BCL9: variants seen among roughly 807,000 people sequenced by gnomAD.
BCL9 encodes BCL9 transcription coactivator, also known as B-cell CLL/lymphoma 9 protein.
In BCL9, 25 loss-of-function variants were observed where a neutral mutation model predicts 88.5. The observed-to-expected ratio is 0.28, with a 90% CI of 0.21 to 0.39. The LOEUF is 0.39. BCL9 is among the 10% of genes least tolerant of loss of function. BCL9 has a pLI of 1.00. For missense variants in BCL9, 1,817 were observed against 1,877.8 expected (o/e 0.97, Z 0.60); for synonymous variants, 711 against 673.3 (o/e 1.06, Z -0.87).
intron 1 of BCL9, among the ~76,000 whole-genome samples, chr1:147,559,966 T>C (rs868985012): frequency 2.0e-5 from 3 of 152,226 alleles, no homozygotes; most frequent in African/African-American, 7.2e-5. Context: ...CATAAACTCT[T>C]GGAAACCAGA....
At chr1:147,621,086 A>T in intron 8 of BCL9, 29 bp downstream of exon 8, 1 of 1,584,402 alleles carries the variant, frequency 6.3e-7, no homozygotes, top group Non-Finnish European at 8.6e-7. Flanking sequence ...TCACAGTTGC[A>T]CCTAGTAGCT....
intron 1 of BCL9, among the ~76,000 whole-genome samples, chr1:147,602,366 C>A (rs587749210): frequency 6.6e-6 from 1 of 152,044 alleles, no homozygotes; most frequent in South Asian, 2.1e-4. Flanking sequence ...CACGCACCAC[C>A]ATGCCCAGCT....
chr1:147,616,829 A>G (rs2101615977), intron 7 of BCL9, among the ~76,000 whole-genome samples: 1 of 152,092 alleles, frequency 6.6e-6, no homozygotes, highest in Non-Finnish European at 1.5e-5. Context: ...AAATTGAACC[A>G]AAAGATACTT....
intron 1 of BCL9, among the ~76,000 whole-genome samples, chr1:147,552,443 TA>T (rs199660195): frequency 7.2e-5 from 11 of 151,808 alleles, no homozygotes; most frequent in African/African-American, 2.7e-4. Flanking sequence ...CTGTCTCTAC[TA>T]AAAAATACAA....
chr1:147,545,972 A>T (rs1182493812), intron 1 of BCL9, among the ~76,000 whole-genome samples: 1 of 152,166 alleles, frequency 6.6e-6, no homozygotes, highest in Non-Finnish European at 1.5e-5. Context: ...TCTGCAAGAG[A>T]TGAGAAGCAG....
At chr1:147,621,176 ATGGCC>A in intron 8 of BCL9, 119 bp downstream of exon 8, 1 of 1,169,542 alleles carries the variant, frequency 8.6e-7, no homozygotes, top group South Asian at 1.6e-5. Flanking sequence ...CTTTGTTGAA[ATGGCC>A]ATATTTGTGG....
At chr1:147,616,333 C>T (rs116161634) in intron 7 of BCL9, among the ~76,000 whole-genome samples, 2,697 of 152,282 alleles carry the variant, frequency 0.018, 39 homozygotes, top group South Asian at 0.06. Flanking sequence ...AGAGCCTCAT[C>T]GACTTTCAGA....
At chr1:147,610,410 C>T (rs1269610842) in intron 3 of BCL9, among the ~76,000 whole-genome samples, 1 of 152,128 alleles carries the variant, frequency 6.6e-6, no homozygotes, top group African/African-American at 2.4e-5. Context: ...GAGACTATTG[C>T]AGATTTCTAA....
At chr1:147,586,977 C>T (rs1570864482) in intron 1 of BCL9, among the ~76,000 whole-genome samples, 1 of 151,982 alleles carries the variant, frequency 6.6e-6, no homozygotes, top group East Asian at 1.9e-4. Context: ...TCAGCATAGG[C>T]CCTTTACACA....
Position 147,624,866 on chromosome 1 carries a change from C to T in BCL9, c.4188C>T (p.Ile1396=), listed in dbSNP as rs782334822. ...GMMGPQQNIM[I]PPQMRPRGMA... ...TGGGACCCCAACAGAACATCATGAT[C>T]CCCCCACAGATGAGGCCCCGGGGCA... The change falls in exon 10 of 10, where the codon ATC becomes ATT. Residue 1396 remains isoleucine, a synonymous_variant. Transcript: ENST00000234739. The surrounding 1 kb of genome is among the most constrained non-coding windows in gnomAD (Gnocchi z 4.4). 9 of 1,613,914 alleles carry T rather than the reference C, an allele frequency of 5.6e-6. No individual in the cohort carries two copies. Among genetic ancestry groups the T allele is most frequent in the South Asian group, 4.4e-5 (4 of 91,066 alleles).
In BCL9 at chr1:147,625,598, G is replaced by A. The variant is rs1348492072; in HGVS notation, c.*639G>A. 2 of 210,650 alleles carry A rather than the reference G, an allele frequency of 9.5e-6. No homozygotes were observed. The highest frequency in any genetic ancestry group is 1.4e-4 in the East Asian group (2 of 14,314). 13.0% of individuals were successfully genotyped at this position (210,650 alleles called of 1,614,324 possible). A position where few individuals can be genotyped will look rare whatever the true frequency, so the allele number is the denominator to read the frequency against. On this transcript the variant is annotated 3_prime_UTR_variant, in exon 10 of 10. Transcript: ENST00000234739. ...TTCAGCGAGGGGTGGGGGGAGGGGG[G>A]AGATTTTTCTTTTGAAAAATAATGA...
In BCL9 at chr1:147,623,959, C is replaced by T; in HGVS notation, c.3281C>T (p.Ser1094Phe). ...CTTTCTCACTCCAATCAGATGCCCTCTCCAAATGCCGTGGGACCCAACATA... is the reference window on the plus strand; with the variant it reads ...CTTTCTCACTCCAATCAGATGCCCTTTCCAAATGCCGTGGGACCCAACATA... ...QPLSHSNQMP[S>F]PNAVGPNIPP... Residue 1094 changes from serine to phenylalanine, a missense_variant, in exon 10 of 10, where the codon TCT becomes TTT. By Grantham distance (155) the Ser-to-Phe change is radical. Around this residue, in one of 2 missense-constraint regions of BCL9, gnomAD observed 589 missense variants for 686.2 expected, o/e 0.86. Coordinates refer to ENST00000234739, the MANE Select transcript of BCL9 (RefSeq NM_004326.4). 3 of 1,614,246 alleles carry T rather than the reference C, an allele frequency of 1.9e-6. No individual in the cohort carries two copies. Among genetic ancestry groups the T allele is most frequent in the South Asian group, 1.1e-5 (1 of 91,084 alleles).
chr1:147,557,789 A>G (rs1364500064), intron 1 of BCL9, among the ~76,000 whole-genome samples: 1 of 152,336 alleles, frequency 6.6e-6, no homozygotes, highest in East Asian at 1.9e-4. Context: ...AATTTTCCAC[A>G]TTGGAAATCT....
Position 147,619,442 on chromosome 1 carries a change from A to G in BCL9, c.1287A>G (p.Pro429=), listed in dbSNP as rs782039120. Reference sequence around the variant, plus strand: ...GGCCCCGGACAGACGTGGGAGCTCCATTTGGCCCTCAAGGACATAGAGATG... The same window carrying G: ...GGCCCCGGACAGACGTGGGAGCTCCGTTTGGCCCTCAAGGACATAGAGATG... The part of the protein sequence containing the change: ...GPGPRTDVGA[P]FGPQGHRDVP... The change falls in exon 8 of 10, where the codon CCA becomes CCG. Residue 429 remains proline, a synonymous_variant. Coordinates refer to ENST00000234739, the MANE Select transcript of BCL9 (RefSeq NM_004326.4). The surrounding 1 kb of genome is among the most constrained non-coding windows in gnomAD (Gnocchi z 4.1). 1 of 1,614,066 alleles carries G rather than the reference A, an allele frequency of 6.2e-7. No homozygotes were observed. The highest frequency in any genetic ancestry group is 1.7e-5 in the Admixed American group (1 of 60,018).
chr1:147,582,993 T>A (rs1553198802), intron 1 of BCL9, among the ~76,000 whole-genome samples: 1 of 152,254 alleles, frequency 6.6e-6, no homozygotes, highest in African/African-American at 2.4e-5. Context: ...ACCAAGTGTT[T>A]GCCACGTAAC....
Position 147,615,793 on chromosome 1 carries a change from A to C in BCL9, c.561-10A>C. 6.2e-7 allele frequency: 1 copy of C among 1,611,112 alleles called. No homozygotes were observed. The highest frequency in any genetic ancestry group is 8.5e-7 in the Non-Finnish European group (1 of 1,177,236). On this transcript the variant is annotated splice_polypyrimidine_tract_variant and intron_variant, in intron 6 of 9. Transcript: ENST00000234739. ...AGTTCTAGTGTGTGCTGTCTCTTCC[A>C]TCTTTGCAGAGCTGCAGAAGCTGTT...
At chr1:147,567,463 C>A (rs868983986) in intron 1 of BCL9, among the ~76,000 whole-genome samples, 16 of 152,128 alleles carry the variant, frequency 1.1e-4, no homozygotes, top group African/African-American at 3.1e-4. Context: ...CATTTCCACA[C>A]ATACTTGGTA....
chr1:147,563,285 CA>C, intron 1 of BCL9, among the ~76,000 whole-genome samples: 1 of 152,244 alleles, frequency 6.6e-6, no homozygotes, highest in East Asian at 1.9e-4. Context: ...TCCTCTTCAC[CA>C]AAAGTAAGCC....
chr1:147,573,986 G>C (rs1165277348), intron 1 of BCL9, among the ~76,000 whole-genome samples: 1 of 152,068 alleles, frequency 6.6e-6, no homozygotes, highest in Non-Finnish European at 1.5e-5. Context: ...TCCTAGTGAG[G>C]GCTCATTGAG....
Sources: allele counts gnomAD v4.1 joint callset (sites outside exome capture counted in the v4.1 genomes callset), GRCh38; gene constraint gnomAD v4.1.1; regional missense constraint gnomAD v4.1.1; non-coding constraint Gnocchi (gnomAD v3.1); transcripts MANE v1.5; gene names NCBI Gene and HGNC (gene_info 2026-07-23, HGNC 2026-07-21).